PRKAR1B: variants seen among roughly 807,000 people sequenced by gnomAD.
PRKAR1B encodes protein kinase cAMP-dependent type I regulatory subunit beta.
A neutral mutation model predicts 46.5 loss-of-function variants in PRKAR1B; 22 were observed. That is an observed-to-expected ratio of 0.47 (90% CI 0.34 to 0.68). PRKAR1B has a LOEUF of 0.68. Ranked by LOEUF, PRKAR1B falls within the 30% of genes least tolerant of loss-of-function variation. The pLI, the probability that PRKAR1B is intolerant of heterozygous loss-of-function variation, is 0.01. For synonymous variants in PRKAR1B, 259 were observed against 217.7 expected (o/e 1.19, Z -1.67); for missense variants, 445 against 535.6 (o/e 0.83, Z 1.67).
At chr7:719,959 G>A (rs1363664958) in intron 1 of PRKAR1B, among the ~76,000 whole-genome samples, 1 of 151,448 alleles carries the variant, frequency 6.6e-6, no homozygotes, top group African/African-American at 2.4e-5. Flanking sequence ...TAGAATAACT[G>A]TCTAATCTCC....
chr7:570,147 C>A (rs1416096899), intron 9 of PRKAR1B, among the ~76,000 whole-genome samples: 1 of 152,246 alleles, frequency 6.6e-6, no homozygotes, highest in Non-Finnish European at 1.5e-5. Flanking sequence ...CGGATCTCAC[C>A]TGCCCTGACC....
At chr7:627,895 T>G (rs1028490780) in intron 4 of PRKAR1B, among the ~76,000 whole-genome samples, 4 of 152,152 alleles carry the variant, frequency 2.6e-5, no homozygotes, top group Non-Finnish European at 5.9e-5. Context: ...GGCGCCAGGT[T>G]GCCGGGAAAT....
chr7:659,402 A>G (rs1357870752), intron 4 of PRKAR1B, among the ~76,000 whole-genome samples: 1 of 152,164 alleles, frequency 6.6e-6, no homozygotes, highest in Non-Finnish European at 1.5e-5. Flanking sequence ...AGCACTTCCA[A>G]CTGCCACATA....
chr7:726,093 TGC>T (rs1562368256), intron 1 of PRKAR1B, among the ~76,000 whole-genome samples: 3 of 150,410 alleles, frequency 2.0e-5, no homozygotes, highest in Admixed American at 1.3e-4. Context: ...AGTTTCTGCA[TGC>T]AGCCAGTTTC....
intron 2 of PRKAR1B, among the ~76,000 whole-genome samples, chr7:692,713 C>T (rs143575957): frequency 1.0e-3 from 157 of 152,254 alleles, no homozygotes; most frequent in African/African-American, 3.6e-3. Context: ...AATTTTTCAG[C>T]AGTTCACATT....
chr7:609,376 C>T (rs1782344580), intron 4 of PRKAR1B, among the ~76,000 whole-genome samples: 1 of 152,124 alleles, frequency 6.6e-6, no homozygotes, highest in Non-Finnish European at 1.5e-5. Context: ...CTTAAGTAAT[C>T]AAATGGACAC....
chr7:719,730 G>T (rs1305247502), intron 1 of PRKAR1B, among the ~76,000 whole-genome samples: 1 of 152,084 alleles, frequency 6.6e-6, no homozygotes, highest in Non-Finnish European at 1.5e-5. Context: ...CCACAATCCA[G>T]GTACTATACT....
intron 4 of PRKAR1B, among the ~76,000 whole-genome samples, chr7:627,586 A>AT (rs2128476856): frequency 6.6e-6 from 1 of 152,306 alleles, no homozygotes; most frequent in Non-Finnish European, 1.5e-5. Context: ...GCAAGGCCAA[A>AT]TATCACACCG....
Position 647,792 on chromosome 7 carries a change from G to A in PRKAR1B, c.440+29437C>T, listed in dbSNP as rs113353830. On this transcript the variant is annotated intron_variant, in intron 4 of 10. Coordinates refer to ENST00000537384, the MANE Select transcript of PRKAR1B (RefSeq NM_001164760.2). ...ACTGCACTCCAGCCTGGGCAACAAC[G>A]AGACTTCGTCTCCAAAAAAAAAAAA... 2.7e-5 allele frequency among the ~76,000 whole-genome samples: 3 copies of A among 111,494 alleles called. No individual in the cohort carries two copies. The South Asian group carries it at 1.0e-3, about 38-fold the overall frequency. 73.1% of individuals were successfully genotyped at this position (111,494 alleles called of 152,430 possible). A position where few individuals can be genotyped will look rare whatever the true frequency, so the allele number is the denominator to read the frequency against.
chr7:628,865 C>A (rs898908920), intron 4 of PRKAR1B, among the ~76,000 whole-genome samples: 1 of 151,420 alleles, frequency 6.6e-6, no homozygotes, highest in African/African-American at 2.4e-5. Flanking sequence ...GGCTCAAGGA[C>A]CCCCCAAGTC....
intron 9 of PRKAR1B, among the ~76,000 whole-genome samples, chr7:576,926 G>A (rs982417923): frequency 8.6e-5 from 13 of 151,856 alleles, no homozygotes; most frequent in South Asian, 8.3e-4. Flanking sequence ...CCTGCTTTTC[G>A]GCCTGTGTTC....
chr7:650,306 A>G (rs1412154544), intron 4 of PRKAR1B, among the ~76,000 whole-genome samples: 1 of 152,140 alleles, frequency 6.6e-6, no homozygotes, highest in Non-Finnish European at 1.5e-5. Context: ...GAGGGTCTGC[A>G]TCCCAAGGGT....
chr7:587,370 C>T (rs1780659612), intron 7 of PRKAR1B, among the ~76,000 whole-genome samples: 1 of 152,228 alleles, frequency 6.6e-6, no homozygotes, highest in Non-Finnish European at 1.5e-5. Context: ...CTGTGCCCAT[C>T]ACATTGTCAC....
chr7:678,817 G>A (rs111467281), intron 3 of PRKAR1B, among the ~76,000 whole-genome samples: 8,281 of 152,312 alleles, frequency 0.054, 732 homozygotes, highest in African/African-American at 0.19. Flanking sequence ...TGGGCGTGGT[G>A]GCTCACACCT....
At chr7:578,640 C>T (rs1210207291) in intron 9 of PRKAR1B, among the ~76,000 whole-genome samples, 2 of 152,122 alleles carry the variant, frequency 1.3e-5, no homozygotes, top group East Asian at 1.9e-4. Flanking sequence ...TACCCACCCT[C>T]GCACGCCCTG....
At chr7:573,095 G>A (rs1021542500) in intron 9 of PRKAR1B, among the ~76,000 whole-genome samples, 7 of 152,184 alleles carry the variant, frequency 4.6e-5, no homozygotes, top group Admixed American at 2.0e-4. Context: ...GCTGGAAACC[G>A]CAATAAGCTG....
At chr7:640,441 C>T (rs192945735) in intron 4 of PRKAR1B, among the ~76,000 whole-genome samples, 2 of 152,218 alleles carry the variant, frequency 1.3e-5, no homozygotes, top group Admixed American at 1.3e-4. Flanking sequence ...CTGTTCAACC[C>T]CATTAGTCAT....
chr7:630,390 G>A (rs1404539208), intron 4 of PRKAR1B, among the ~76,000 whole-genome samples: 1 of 152,230 alleles, frequency 6.6e-6, no homozygotes, highest in African/African-American at 2.4e-5. Flanking sequence ...TGTGCTGGCA[G>A]GTGGCAGGCA....
Position 646,803 on chromosome 7 carries a change from A to C in PRKAR1B, c.440+30426T>G, listed in dbSNP as rs145247172. On this transcript the variant is annotated intron_variant, in intron 4 of 10. Coordinates refer to ENST00000537384, the MANE Select transcript of PRKAR1B (RefSeq NM_001164760.2). ...TGTTAACCAAACTAAATTAAAACCA[A>C]GATTTAAATGCTTAAATTGGCCATC... 1.2e-4 allele frequency among the ~76,000 whole-genome samples: 19 copies of C among 152,376 alleles called. No homozygotes were observed. In the East Asian group the frequency reaches 3.5e-3, roughly 28 times the overall value.
Sources: allele counts gnomAD v4.1 joint callset (sites outside exome capture counted in the v4.1 genomes callset), GRCh38; gene constraint gnomAD v4.1.1; transcripts MANE v1.5; gene names NCBI Gene and HGNC (gene_info 2026-07-23, HGNC 2026-07-21).